Variants in NKG7 observed in about 807,000 individuals in gnomAD.
NKG7 encodes protein NKG7.
A neutral mutation model predicts 14.7 loss-of-function variants in NKG7; 8 were observed. The ratio of observed to expected loss-of-function variants is 0.54; its 90% CI spans 0.32 to 0.98. NKG7 has a LOEUF of 0.98. Among genes scored for constraint, NKG7 ranks in the 50% least tolerant of loss-of-function variants. The pLI is 0.04. For missense variants in NKG7, 215 were observed against 211.1 expected (o/e 1.02, Z -0.11); for synonymous variants, 95 against 90.7 (o/e 1.05, Z -0.27).
chr19:51,372,246 C>T lies in NKG7; in HGVS notation c.219G>A (p.Val73=), dbSNP rs1238227764. 1.2e-6 allele frequency: 2 copies of T among 1,613,728 alleles called. No homozygotes were observed. Among genetic ancestry groups the T allele is most frequent in the Non-Finnish European group, 8.5e-7 (1 of 1,179,844 alleles). Residue 73 remains valine (V), a synonymous_variant, in exon 2 of 4, where the codon GTG becomes GTA. Transcript: ENST00000221978. The surrounding 1 kb of genome is among the most constrained non-coding windows in gnomAD (Gnocchi z 4.8). ...IMAVLWALVS[V]SFLVLSCFPS... ...GGAAGCAGGACAGGACCAGGAAGCT[C>T]ACGGACACCAGGGCCCACAGAACAG...
Position 51,372,228 on chromosome 19 carries a change from G to A in NKG7, c.237C>T (p.Ser79=). 1 of 1,613,878 alleles carries A rather than the reference G, an allele frequency of 6.2e-7. No homozygotes were observed. The highest frequency in any genetic ancestry group is 8.5e-7 in the Non-Finnish European group (1 of 1,179,866). Residue 79 remains serine, a synonymous_variant, in exon 2 of 4, where the codon TCC becomes TCT. Coordinates refer to ENST00000221978, the MANE Select transcript of NKG7 (RefSeq NM_005601.4). This position sits in a 1 kb window ranked among gnomAD's most constrained non-coding sequence, Gnocchi z 4.8. ...ALVSVSFLVL[S]CFPSLFPPGH... The stretch of plus-strand genomic sequence containing the variant: ...CTGGGGGGAACAGTGAGGGGAAGCA[G>A]GACAGGACCAGGAAGCTCACGGACA...
Position 51,372,261 on chromosome 19 carries a change from C to G in NKG7, c.204G>C (p.Trp68Cys), listed in dbSNP as rs759817354. 1.2e-6 allele frequency: 2 copies of G among 1,613,748 alleles called. No individual in the cohort carries two copies. Among genetic ancestry groups the G allele is most frequent in the Admixed American group, 1.7e-5 (1 of 60,000 alleles). Residue 68 changes from tryptophan to cysteine, a missense_variant, in exon 2 of 4, where the codon TGG becomes TGC. Trp to Cys is a radical substitution (Grantham distance 215). Transcript: ENST00000221978. This position sits in a 1 kb window ranked among gnomAD's most constrained non-coding sequence, Gnocchi z 4.8. ...CCAGGAAGCTCACGGACACCAGGGC[C>G]CACAGAACAGCCATAATGCTGAAGG... The part of the protein sequence containing the change: ...TQTFSIMAVL[W>C]ALVSVSFLVL...
At position 51,371,790 on chromosome 19, in the gene NKG7, T is replaced by C. The variant is rs1433381891; in HGVS notation, c.485A>G (p.Tyr162Cys). ...GAHCGGPRPGYETL is the reference protein window; with the variant it reads ...GAHCGGPRPGCETL ...CTTGCCTTCTGCTCACAAGGTTTCA[T>C]AGCCAGGACGGGGACCGCCACAGTG... The change falls in exon 4 of 4, where the codon TAT becomes TGT. Residue 162 changes from tyrosine (Y) to cysteine (C), a missense_variant. Physicochemically the swap from Tyr to Cys is radical, Grantham distance 194 (BLOSUM62 -2). Coordinates refer to ENST00000221978, the MANE Select transcript of NKG7 (RefSeq NM_005601.4). This position sits in a 1 kb window ranked among gnomAD's most constrained non-coding sequence, Gnocchi z 4.2. 2.5e-6 allele frequency: 4 copies of C among 1,613,006 alleles called. No homozygotes were observed. The highest frequency in any genetic ancestry group is 3.4e-6 in the Non-Finnish European group (4 of 1,179,320).
Position 51,372,416 on chromosome 19 carries a change from C to T in NKG7, c.120G>A (p.Ser40=), listed in dbSNP as rs564722671. 20 of 1,614,196 alleles carry T rather than the reference C, an allele frequency of 1.2e-5. No homozygotes were observed. The highest frequency in any genetic ancestry group is 1.0e-4 in the Admixed American group (6 of 60,014). ...CCCCATGCCCTGTTGGCCAGAGGCC[C>T]GAGTGAGCTGAGTGGGTGGGACCCA... ...EAVGPTHSAH[S]GLWPTGHGDI... The change falls in exon 1 of 4, where the codon TCG becomes TCA. Residue 40 remains serine, a synonymous_variant. Coordinates refer to ENST00000221978, the MANE Select transcript of NKG7 (RefSeq NM_005601.4). The surrounding 1 kb of genome is among the most constrained non-coding windows in gnomAD (Gnocchi z 4.8).
rs367747921 is a variant in NKG7, at chr19:51,371,743, G to T, written c.*34C>A. On this transcript the variant is annotated 3_prime_UTR_variant, in exon 4 of 4. Coordinates refer to ENST00000221978, the MANE Select transcript of NKG7 (RefSeq NM_005601.4). The surrounding 1 kb of genome is among the most constrained non-coding windows in gnomAD (Gnocchi z 4.2). ...CCAGATGAGGCCTTTGGAATACAACGCTCAAAACTCATCTTGCCGCTCTTG... is the reference window on the plus strand; with the variant it reads ...CCAGATGAGGCCTTTGGAATACAACTCTCAAAACTCATCTTGCCGCTCTTG... 3.7e-4 allele frequency: 585 copies of T among 1,597,900 alleles called. No individual in the cohort carries two copies. Among genetic ancestry groups the T allele is most frequent in the Middle Eastern group, 1.2e-3 (7 of 5,992 alleles).
In NKG7 at chr19:51,372,398, C is replaced by A; in HGVS notation, c.138G>T (p.Gly46=). Residue 46 remains glycine, a synonymous_variant, in exon 1 of 4, where the codon GGG becomes GGT. Transcript: ENST00000221978. The surrounding 1 kb of genome is among the most constrained non-coding windows in gnomAD (Gnocchi z 4.8). The part of the protein sequence containing the change: ...HSAHSGLWPT[G]HGDIISGYIH... Reference sequence around the variant, plus strand: ...CCTTACCTGATATGATGTCCCCATGCCCTGTTGGCCAGAGGCCCGAGTGAG... The same window carrying A: ...CCTTACCTGATATGATGTCCCCATGACCTGTTGGCCAGAGGCCCGAGTGAG... The A allele has an allele frequency of 6.2e-7, 1 of 1,614,206 alleles. No homozygotes were observed. The highest frequency in any genetic ancestry group is 8.5e-7 in the Non-Finnish European group (1 of 1,180,024).
chr19:51,372,169 A>G lies in NKG7; in HGVS notation c.296T>C (p.Phe99Ser). The G allele has an allele frequency of 6.2e-7, 1 of 1,605,868 alleles. No homozygotes were observed. The highest frequency in any genetic ancestry group is 8.5e-7 in the Non-Finnish European group (1 of 1,175,734). ...HGPLVSTTAA[F>S]AAAISMVVAM... Reference sequence around the variant, plus strand: ...CAGTCCAGAGTCCTTACCTGCAGCAAAGGCTGCGGTGGTTGAGACAAGCGG... The same window carrying G: ...CAGTCCAGAGTCCTTACCTGCAGCAGAGGCTGCGGTGGTTGAGACAAGCGG... The change falls in exon 2 of 4, where the codon TTT becomes TCT. Residue 99 changes from phenylalanine (F) to serine (S), a missense_variant. Phe to Ser is a radical substitution (Grantham distance 155, BLOSUM62 -2). Coordinates refer to ENST00000221978, the MANE Select transcript of NKG7 (RefSeq NM_005601.4). This position sits in a 1 kb window ranked among gnomAD's most constrained non-coding sequence, Gnocchi z 4.8.
Position 51,372,151 on chromosome 19 carries a change from G to C in NKG7, c.304+10C>G. ...GCTCGCGATGCCCCAGTCCAGTCCA[G>C]AGTCCTTACCTGCAGCAAAGGCTGC... is the stretch of plus-strand genomic sequence containing the variant. On this transcript the variant is annotated intron_variant, in intron 2 of 3. Coordinates refer to ENST00000221978, the MANE Select transcript of NKG7 (RefSeq NM_005601.4). This position sits in a 1 kb window ranked among gnomAD's most constrained non-coding sequence, Gnocchi z 4.8. 1.9e-6 allele frequency: 3 copies of C among 1,599,758 alleles called. No individual in the cohort carries two copies. In the South Asian group the frequency reaches 3.4e-5, roughly 18 times the overall value.
In NKG7 at chr19:51,372,159, AC is replaced by A. The variant is rs1986680957; in HGVS notation, c.304+1del. 3 of 1,602,718 alleles carry A rather than the reference AC, an allele frequency of 1.9e-6. No homozygotes were observed. Among genetic ancestry groups the A allele is most frequent in the Non-Finnish European group, 1.7e-6 (2 of 1,174,242 alleles). On this transcript the variant is annotated splice_donor_variant, in intron 2 of 3. Coordinates refer to ENST00000221978, the MANE Select transcript of NKG7 (RefSeq NM_005601.4). LOFTEE classifies it high-confidence loss of function. The surrounding 1 kb of genome is among the most constrained non-coding windows in gnomAD (Gnocchi z 4.8). The stretch of plus-strand genomic sequence containing the variant: ...TGCCCCAGTCCAGTCCAGAGTCCTT[AC>A]CTGCAGCAAAGGCTGCGGTGGTTGA...
In NKG7 at chr19:51,372,165, A is replaced by G. The variant is rs1474665708; in HGVS notation, c.300T>C (p.Ala100=). The G allele has an allele frequency of 6.2e-7, 1 of 1,604,400 alleles. No individual in the cohort carries two copies. The highest frequency in any genetic ancestry group is 1.7e-5 in the Admixed American group (1 of 59,206). The part of the protein sequence containing the change: ...GPLVSTTAAF[A]AAISMVVAMA... ...AGTCCAGTCCAGAGTCCTTACCTGC[A>G]GCAAAGGCTGCGGTGGTTGAGACAA... is the stretch of plus-strand genomic sequence containing the variant. The change falls in exon 2 of 4, where the codon GCT becomes GCC. Residue 100 remains alanine, a synonymous_variant. Transcript: ENST00000221978. The surrounding 1 kb of genome is among the most constrained non-coding windows in gnomAD (Gnocchi z 4.8).
rs1303269362 is a variant in NKG7 at position 51,372,559 on chromosome 19, G to A, written c.-24C>T. ...ATGGGGATAAGCTCAGGGCTTCTGG[G>A]TCCTGGAGGAGGAAGAGGCTGCTGA... On this transcript the variant is annotated 5_prime_UTR_variant, in exon 1 of 4. Transcript: ENST00000221978. This position sits in a 1 kb window ranked among gnomAD's most constrained non-coding sequence, Gnocchi z 4.8. 2 of 1,611,282 alleles carry A rather than the reference G, an allele frequency of 1.2e-6. No individual in the cohort carries two copies. The highest frequency in any genetic ancestry group is 2.2e-5 in the East Asian group (1 of 44,852).
chr19:51,372,292 G>A lies in NKG7; in HGVS notation c.173C>T (p.Thr58Met), dbSNP rs765079634. 60 of 1,612,492 alleles carry A rather than the reference G, an allele frequency of 3.7e-5. No homozygotes were observed. The highest frequency in any genetic ancestry group is 8.3e-5 in the Admixed American group (5 of 59,920). The change falls in exon 2 of 4, where the codon ACG becomes ATG. Residue 58 changes from threonine (T) to methionine (M), a missense_variant. Transcript: ENST00000221978. This position sits in a 1 kb window ranked among gnomAD's most constrained non-coding sequence, Gnocchi z 4.8. Reference sequence around the variant, plus strand: ...AACAGCCATAATGCTGAAGGTCTGCGTCACGTGGATGTAGCCTGATCGGGA... The same window carrying A: ...AACAGCCATAATGCTGAAGGTCTGCATCACGTGGATGTAGCCTGATCGGGA... ...GDIISGYIHV[T>M]QTFSIMAVLW...
In NKG7 at chr19:51,371,635, G is replaced by T. The variant is rs1986658522; in HGVS notation, c.*142C>A. On this transcript the variant is annotated 3_prime_UTR_variant, in exon 4 of 4. Coordinates refer to ENST00000221978, the MANE Select transcript of NKG7 (RefSeq NM_005601.4). This position sits in a 1 kb window ranked among gnomAD's most constrained non-coding sequence, Gnocchi z 4.2. The stretch of plus-strand genomic sequence containing the variant: ...AATAACCAGATTCCAGCCAAATTTT[G>T]TTGAATGAATGAAGAAACAAGAGGA... 2.1e-6 allele frequency: 2 copies of T among 947,558 alleles called. No individual in the cohort carries two copies. Among genetic ancestry groups the T allele is most frequent in the Non-Finnish European group, 1.6e-6 (1 of 641,314 alleles). 58.7% of individuals were successfully genotyped at this position (947,558 alleles called of 1,614,324 possible). A position where few individuals can be genotyped will look rare whatever the true frequency, so the allele number is the denominator to read the frequency against.
At position 51,372,600 on chromosome 19, in the gene NKG7, T is replaced by A. The variant is rs1260308002; in HGVS notation, c.-65A>T. 3 of 1,564,676 alleles carry A rather than the reference T, an allele frequency of 1.9e-6. No homozygotes were observed. The highest frequency in any genetic ancestry group is 3.9e-5 in the Admixed American group (2 of 51,824). ...AGGCTGCTGATCAGACTCTTGAATC[T>A]CAGAGAGAAGGAGGCTGTGCACCCA... On this transcript the variant is annotated 5_prime_UTR_variant, in exon 1 of 4. Transcript: ENST00000221978. The surrounding 1 kb of genome is among the most constrained non-coding windows in gnomAD (Gnocchi z 4.8).
At position 51,371,895 on chromosome 19, in the gene NKG7, C is replaced by T; in HGVS notation, c.439+45G>A. 1 of 1,603,136 alleles carries T rather than the reference C, an allele frequency of 6.2e-7. No individual in the cohort carries two copies. The highest frequency in any genetic ancestry group is 2.2e-5 in the East Asian group (1 of 44,650). ...TGCCCTCTGTCCTCAGGGACCCCAACTGGACCCTCCCAAAGCTCCCCAGGG... is the reference window on the plus strand; with the variant it reads ...TGCCCTCTGTCCTCAGGGACCCCAATTGGACCCTCCCAAAGCTCCCCAGGG... On this transcript the variant is annotated intron_variant, in intron 3 of 3. Coordinates refer to ENST00000221978, the MANE Select transcript of NKG7 (RefSeq NM_005601.4). The surrounding 1 kb of genome is among the most constrained non-coding windows in gnomAD (Gnocchi z 4.2).
rs1210150819 is a variant in NKG7 at position 51,372,267 on chromosome 19, A to C, written c.198T>G (p.Val66=). 6.2e-7 allele frequency: 1 copy of C among 1,613,538 alleles called. No individual in the cohort carries two copies. The highest frequency in any genetic ancestry group is 1.7e-5 in the Admixed American group (1 of 59,988). ...AGCTCACGGACACCAGGGCCCACAG[A>C]ACAGCCATAATGCTGAAGGTCTGCG... ...HVTQTFSIMA[V]LWALVSVSFL... Residue 66 remains valine, a synonymous_variant, in exon 2 of 4, where the codon GTT becomes GTG. Transcript: ENST00000221978. The surrounding 1 kb of genome is among the most constrained non-coding windows in gnomAD (Gnocchi z 4.8).
Position 51,372,242 on chromosome 19 carries a change from A to G in NKG7, c.223T>C (p.Phe75Leu). ...GAGGGGAAGCAGGACAGGACCAGGA[A>G]GCTCACGGACACCAGGGCCCACAGA... ...AVLWALVSVS[F>L]LVLSCFPSLF... Residue 75 changes from phenylalanine (F) to leucine (L), a missense_variant, in exon 2 of 4, where the codon TTC becomes CTC. Coordinates refer to ENST00000221978, the MANE Select transcript of NKG7 (RefSeq NM_005601.4). This position sits in a 1 kb window ranked among gnomAD's most constrained non-coding sequence, Gnocchi z 4.8. 6.2e-7 allele frequency: 1 copy of G among 1,613,888 alleles called. No individual in the cohort carries two copies. The highest frequency in any genetic ancestry group is 1.1e-5 in the South Asian group (1 of 91,046).
In NKG7 at chr19:51,371,742, C is replaced by A; in HGVS notation, c.*35G>T. ...TCCAGATGAGGCCTTTGGAATACAA[C>A]GCTCAAAACTCATCTTGCCGCTCTT... On this transcript the variant is annotated 3_prime_UTR_variant, in exon 4 of 4. Transcript: ENST00000221978. This position sits in a 1 kb window ranked among gnomAD's most constrained non-coding sequence, Gnocchi z 4.2. 1 of 1,591,746 alleles carries A rather than the reference C, an allele frequency of 6.3e-7. No homozygotes were observed.
rs148663857 is a variant in NKG7, at chr19:51,372,327, T to C, written c.158-20A>G. On this transcript the variant is annotated intron_variant, in intron 1 of 3. Transcript: ENST00000221978. This position sits in a 1 kb window ranked among gnomAD's most constrained non-coding sequence, Gnocchi z 4.8. ...TGTAGCCTGATCGGGAGAAGACCAC[T>C]GAGCACCCATCCCCGCTGGCAACCC... 2.5e-6 allele frequency: 4 copies of C among 1,612,214 alleles called. No homozygotes were observed. Among genetic ancestry groups the C allele is most frequent in the Non-Finnish European group, 3.4e-6 (4 of 1,178,696 alleles).
Sources: allele counts gnomAD v4.1 joint callset, GRCh38; gene constraint gnomAD v4.1.1; non-coding constraint Gnocchi (gnomAD v3.1); transcripts MANE v1.5; gene names NCBI Gene and HGNC (gene_info 2026-07-23, HGNC 2026-07-21).